Variants in BNC2 observed in about 807,000 individuals in gnomAD.
BNC2 encodes zinc finger protein basonuclin-2.
BNC2 carries 20 observed loss-of-function variants against 76.3 expected under a neutral mutation model. The observed-to-expected ratio is 0.26, with a 90% confidence interval of 0.18 to 0.38. The LOEUF (loss-of-function observed/expected upper bound fraction) is 0.38, where lower values mean the gene tolerates loss of function less well. BNC2 is among the 10% of genes least tolerant of loss of function. The pLI is 1.00. For synonymous variants in BNC2, 582 were observed against 514.8 expected (o/e 1.13, Z -1.77); for missense variants, 1,382 against 1,399.8 (o/e 0.99, Z 0.20).
chr9:16,547,683 AC>A (rs1818528973), intron 5 of BNC2, among the ~76,000 whole-genome samples: 1 of 152,206 alleles, frequency 6.6e-6, no homozygotes, highest in African/African-American at 2.4e-5. Flanking sequence ...AGAAGAAATT[AC>A]CCACGCAGAG....
At chr9:16,859,215 G>C (rs749639167) in intron 1 of BNC2, among the ~76,000 whole-genome samples, 15 of 152,170 alleles carry the variant, frequency 9.9e-5, no homozygotes, top group Non-Finnish European at 2.1e-4. Context: ...TAAGCTGTGA[G>C]GTTGTAGAGA....
intron 5 of BNC2, among the ~76,000 whole-genome samples, chr9:16,462,552 T>C (rs956735962): frequency 6.6e-6 from 1 of 152,124 alleles, no homozygotes; most frequent in African/African-American, 2.4e-5. Flanking sequence ...AAAAAAGCCC[T>C]ATCTAACACC....
rs1563830927 is a variant in BNC2 at position 16,539,741 on chromosome 9, AAGGG to A, written c.669+12785_669+12788del. 1.2e-3 allele frequency among the ~76,000 whole-genome samples: 119 copies of A among 99,064 alleles called. 5 individuals are homozygous for A. Among genetic ancestry groups the A allele is most frequent in the African/African-American group, 5.7e-3 (117 of 20,512 alleles). The allele number at this position is 99,064 out of a possible 152,430, so 65.0% of individuals were successfully genotyped here. A position where few individuals can be genotyped will look rare whatever the true frequency, so the allele number is the denominator to read the frequency against. ...AAGGGGAAGGAAAAGAGGGAAAGGG[AAGGG>A]AAGGGAAGGAAAGGAAAGGAAAAGA... On this transcript the variant is annotated intron_variant, in intron 5 of 6. Coordinates refer to ENST00000380672, the MANE Select transcript of BNC2 (RefSeq NM_017637.6).
At chr9:16,766,141 C>T (rs534959720) in intron 1 of BNC2, among the ~76,000 whole-genome samples, 36 of 152,250 alleles carry the variant, frequency 2.4e-4, no homozygotes, top group African/African-American at 8.4e-4. Flanking sequence ...GAGATGTAAA[C>T]GATATCACTT....
intron 1 of BNC2, among the ~76,000 whole-genome samples, chr9:16,778,926 A>G (rs563932742): frequency 7.2e-5 from 11 of 152,176 alleles, no homozygotes; most frequent in Admixed American, 6.5e-4. Context: ...ATAAAACGAT[A>G]TTTTTAGAAA....
At chr9:16,629,047 A>G (rs1821083404) in intron 3 of BNC2, among the ~76,000 whole-genome samples, 1 of 152,210 alleles carries the variant, frequency 6.6e-6, no homozygotes. Context: ...TGACTTTTCC[A>G]AAGTCTCAAT....
At chr9:16,461,006 C>T (rs1821568268) in intron 5 of BNC2, among the ~76,000 whole-genome samples, 1 of 151,738 alleles carries the variant, frequency 6.6e-6, no homozygotes, top group Admixed American at 6.6e-5. Flanking sequence ...AGATAGTATA[C>T]AGTAAGTACC....
chr9:16,618,496 C>T (rs998161984), intron 3 of BNC2, among the ~76,000 whole-genome samples: 1 of 152,098 alleles, frequency 6.6e-6, no homozygotes, highest in Non-Finnish European at 1.5e-5. Flanking sequence ...CAGAGCTCTC[C>T]CTTTATTTAC....
chr9:16,509,317 T>C (rs912474614), intron 5 of BNC2, among the ~76,000 whole-genome samples: 3 of 152,204 alleles, frequency 2.0e-5, no homozygotes, highest in Non-Finnish European at 4.4e-5. Flanking sequence ...TATTGGCATA[T>C]AAATGTTGGT....
intron 5 of BNC2, among the ~76,000 whole-genome samples, chr9:16,440,183 G>C (rs985717810): frequency 1.3e-5 from 2 of 152,168 alleles, no homozygotes; most frequent in African/African-American, 2.4e-5. Flanking sequence ...AGAAAGCTAA[G>C]ATAGGTTGTT....
intron 6 of BNC2, among the ~76,000 whole-genome samples, chr9:16,421,723 G>A (rs1286202304): frequency 6.6e-6 from 1 of 152,230 alleles, no homozygotes; most frequent in Non-Finnish European, 1.5e-5. Context: ...TGCAGGAAAT[G>A]CCTACTGTGA....
chr9:16,435,014 G>A (rs1410835202), intron 6 of BNC2: 1 of 471,368 alleles, frequency 2.1e-6, no homozygotes. Context: ...TGTAAGGAAT[G>A]ATAACATTAC....
intron 1 of BNC2, among the ~76,000 whole-genome samples, chr9:16,750,517 T>A (rs901762186): frequency 2.0e-5 from 3 of 152,222 alleles, no homozygotes; most frequent in African/African-American, 7.2e-5. Flanking sequence ...GTAGATCATC[T>A]ATCCTGTCAG....
intron 3 of BNC2, among the ~76,000 whole-genome samples, chr9:16,713,096 T>C (rs1823896903): frequency 2.0e-5 from 3 of 152,168 alleles, no homozygotes; most frequent in Admixed American, 2.0e-4. Context: ...TGGTGGGAAA[T>C]TGTCATGTAC....
At chr9:16,849,352 ATTTTT>A (rs35561834) in intron 1 of BNC2, among the ~76,000 whole-genome samples, 1 of 90,084 alleles carries the variant, frequency 1.1e-5, no homozygotes, top group East Asian at 3.3e-4. Context: ...CATGCAAAAG[ATTTTT>A]TTTTTTTTTT....
At chr9:16,692,258 T>G (rs1299159159) in intron 3 of BNC2, among the ~76,000 whole-genome samples, 2 of 152,210 alleles carry the variant, frequency 1.3e-5, no homozygotes, top group Admixed American at 1.3e-4. Flanking sequence ...TGACATTAAA[T>G]GCAATTTCAA....
chr9:16,744,361 A>G (rs551629643), intron 1 of BNC2, among the ~76,000 whole-genome samples: 2 of 152,298 alleles, frequency 1.3e-5, no homozygotes, highest in Admixed American at 1.3e-4. Flanking sequence ...GTTTCACATC[A>G]CTTTCTCAAA....
chr9:16,854,890 C>T (rs1257253327), intron 1 of BNC2, among the ~76,000 whole-genome samples: 1 of 151,954 alleles, frequency 6.6e-6, no homozygotes, highest in African/African-American at 2.4e-5. Flanking sequence ...AAAGTGTGCA[C>T]CGTGAACATC....
intron 1 of BNC2, among the ~76,000 whole-genome samples, chr9:16,816,343 C>G (rs1197393768): frequency 6.6e-6 from 1 of 152,156 alleles, no homozygotes; most frequent in Non-Finnish European, 1.5e-5. Context: ...ACCACCACTT[C>G]AAGATGAAGG....
Sources: gnomAD v4.1 joint callset for allele counts (sites outside exome capture counted in the v4.1 genomes callset) on GRCh38, gnomAD v4.1.1 for gene constraint, MANE v1.5 for transcripts, NCBI Gene and HGNC (gene_info 2026-07-23, HGNC 2026-07-21) for gene names.